The following TDP1 variants were observed in gnomAD, a reference collection of about 807,000 sequenced individuals.
The protein encoded by TDP1 is tyr-DNA phosphodiesterase 1.
TDP1 carries 64 observed loss-of-function variants against 81.5 expected under a neutral mutation model. The observed-to-expected ratio is 0.79, with a 90% CI of 0.64 to 0.97. The LOEUF is 0.97. TDP1 is among the 50% of genes least tolerant of loss of function. The probability of loss-of-function intolerance (pLI) is 0.00; values close to 1 mark genes in which losing one functional copy is unlikely to be tolerated. For synonymous variants in TDP1, 256 were observed against 264.3 expected (o/e 0.97, Z 0.30); for missense variants, 723 against 743.8 (o/e 0.97, Z 0.33).
chr14:90,035,843 C>T (rs537598290), intron 16 of TDP1, among the ~76,000 whole-genome samples: 3 of 152,062 alleles, frequency 2.0e-5, no homozygotes, highest in Admixed American at 1.3e-4. Flanking sequence ...TTCCCACCCC[C>T]AGCCCTGCAC....
In TDP1 at chr14:90,019,407, C is replaced by T. The variant is rs759660970; in HGVS notation, c.1633C>T (p.Pro545Ser). The T allele has an allele frequency of 1.3e-6, 2 of 1,594,844 alleles. No homozygotes were observed. The highest frequency in any genetic ancestry group is 8.6e-7 in the Non-Finnish European group (1 of 1,162,392). The change falls in exon 15 of 17, where the codon CCT (proline) becomes TCT (serine). Residue 545 changes from proline (P) to serine (S), a missense_variant. Coordinates refer to ENST00000335725, the MANE Select transcript of TDP1 (RefSeq NM_018319.4). ...CTACGAGCTCGGGGTCCTTTTCCTC[C>T]CTTCAGCATTTGTAAGTTTACACTT... ...RSYELGVLFL[P>S]SAFGLDSFKV...
At chr14:89,975,581 G>GTGTTTT (rs1289662801) in intron 6 of TDP1, 200 bp from the exon 7 acceptor site, 1 of 256,990 alleles carries the variant, frequency 3.9e-6, no homozygotes, top group African/African-American at 2.9e-5. Context: ...CAAAATTTGT[G>GTGTTTT]TTTTTTTTTT....
In TDP1 at chr14:89,974,467, T is replaced by C. The variant is rs34503280; in HGVS notation, c.757-1314T>C. On this transcript the variant is annotated intron_variant, in intron 6 of 16. Transcript: ENST00000335725. Reference sequence around the variant, plus strand: ...GTGGCCAGAATGCACAGATGCATGCTGGTCTGTGAGCATCTCCATTCCAAA... The same window carrying C: ...GTGGCCAGAATGCACAGATGCATGCCGGTCTGTGAGCATCTCCATTCCAAA... 3.7e-4 allele frequency among the ~76,000 whole-genome samples: 56 copies of C among 152,344 alleles called. No homozygotes were observed. The East Asian group carries it at 0.01, about 28-fold the overall frequency.
In TDP1 at chr14:89,963,557, CAG is replaced by C. The variant is rs1892588152; in HGVS notation, c.444_445del (p.Glu150GlyfsTer10). The C allele has an allele frequency of 6.2e-7, 1 of 1,611,876 alleles. No homozygotes were observed. Among genetic ancestry groups the C allele is most frequent in the Admixed American group, 1.7e-5 (1 of 59,776 alleles). ...GAGGAGGAAGACGAGTATGAGACAT[CAG>C]GGGAGGGCCAGGACATTTGGGACAT... On this transcript the variant is annotated frameshift_variant, in exon 3 of 17. Transcript: ENST00000335725. LOFTEE classifies it high-confidence loss of function.
intron 4 of TDP1, 149 bp from the exon 5 acceptor site, chr14:89,967,218 T>C: frequency 7.2e-7 from 1 of 1,386,954 alleles, no homozygotes; most frequent in South Asian, 1.2e-5. Flanking sequence ...TTTGTTAGTA[T>C]TGCAGCATAA....
intron 14 of TDP1, among the ~76,000 whole-genome samples, chr14:90,003,394 T>G (rs1342613686): frequency 1.3e-5 from 2 of 152,258 alleles, no homozygotes; most frequent in South Asian, 2.1e-4. Context: ...GATTGGTTAC[T>G]TTTATGGAGA....
intron 14 of TDP1, 38 bp from the exon 15 acceptor site, chr14:90,019,278 T>A (rs1284550255): frequency 7.0e-7 from 1 of 1,432,364 alleles, no homozygotes; most frequent in Non-Finnish European, 9.8e-7. Context: ...CTGAGATGCC[T>A]CCCTGAGTCA....
At chr14:90,028,021 C>T (rs1348996368) in intron 15 of TDP1, among the ~76,000 whole-genome samples, 1 of 152,218 alleles carries the variant, frequency 6.6e-6, no homozygotes, top group Non-Finnish European at 1.5e-5. Context: ...GCACTCTTTT[C>T]TTTCCTTCTG....
At chr14:90,032,673 C>G in intron 15 of TDP1, 1 of 886,578 alleles carries the variant, frequency 1.1e-6, no homozygotes, top group Non-Finnish European at 1.4e-6. Flanking sequence ...GGAACACTTT[C>G]ATTATACATG....
chr14:89,956,343 G>T (rs576099319), intron 1 of TDP1: 6 of 152,448 alleles, frequency 3.9e-5, no homozygotes, highest in African/African-American at 1.4e-4. Flanking sequence ...AGCTTTCTGT[G>T]CTCGGTTTCC....
At chr14:89,981,506 C>T (rs1469943144) in intron 8 of TDP1, 1 of 454,244 alleles carries the variant, frequency 2.2e-6, no homozygotes, top group East Asian at 7.0e-5. Context: ...AGCTGGTTAA[C>T]AAACAGCCTT....
intron 14 of TDP1, among the ~76,000 whole-genome samples, chr14:90,014,053 A>G (rs905659372): frequency 2.0e-5 from 3 of 152,214 alleles, no homozygotes; most frequent in African/African-American, 4.8e-5. Flanking sequence ...ATCATTAGTA[A>G]TCAGAGAAGT....
At chr14:89,962,797 A>G (rs999853552) in intron 2 of TDP1, 7 of 385,098 alleles carry the variant, frequency 1.8e-5, no homozygotes, top group Non-Finnish European at 2.5e-5. Flanking sequence ...GCTTGAGCCC[A>G]GGAGGCAGAT....
chr14:90,034,396 T>A (rs1285350531), intron 16 of TDP1, among the ~76,000 whole-genome samples: 1 of 152,200 alleles, frequency 6.6e-6, no homozygotes, highest in African/African-American at 2.4e-5. Context: ...GCATTGAGTC[T>A]TAAGGGCAGT....
chr14:90,041,119 G>T (rs1184152665), intron 16 of TDP1, among the ~76,000 whole-genome samples: 2 of 152,172 alleles, frequency 1.3e-5, no homozygotes, highest in Admixed American at 1.3e-4. Context: ...GGGTGTCATT[G>T]GCCTTGGGAA....
intron 7 of TDP1, among the ~76,000 whole-genome samples, chr14:89,979,228 A>T (rs1045981625): frequency 2.0e-5 from 3 of 152,224 alleles, no homozygotes; most frequent in Non-Finnish European, 4.4e-5. Context: ...GGAGATAAAA[A>T]TCATCCATTA....
rs1192326854 is a variant in TDP1 at position 89,984,526 on chromosome 14, A to G, written c.895A>G (p.Ser299Gly). ...WHQKTQGIWLSPLYPRIADGT... is the reference protein window; with the variant it reads ...WHQKTQGIWLGPLYPRIADGT... ...TTTTTTTAATTCCAGAATATGGTTG[A>G]GCCCCTTATACCCACGAATTGCTGA... Residue 299 changes from serine (S) to glycine (G), a missense_variant, in exon 9 of 17, where the codon AGC becomes GGC. By Grantham distance (56) the Ser-to-Gly change is moderately conservative. Coordinates refer to ENST00000335725, the MANE Select transcript of TDP1 (RefSeq NM_018319.4). 6.2e-7 allele frequency: 1 copy of G among 1,614,110 alleles called. No homozygotes were observed. The highest frequency in any genetic ancestry group is 8.5e-7 in the Non-Finnish European group (1 of 1,180,028).
intron 14 of TDP1, among the ~76,000 whole-genome samples, chr14:90,007,452 G>A (rs1223463081): frequency 6.6e-6 from 1 of 151,998 alleles, no homozygotes; most frequent in African/African-American, 2.4e-5. Flanking sequence ...AGCTGGGCAT[G>A]GTAGCTCACA....
chr14:89,961,759 G>T (rs2139926315), intron 2 of TDP1, among the ~76,000 whole-genome samples: 1 of 152,236 alleles, frequency 6.6e-6, no homozygotes. Flanking sequence ...CAAATCTTTT[G>T]ATGTAGAATA....
Sources: allele counts gnomAD v4.1 joint callset (sites outside exome capture counted in the v4.1 genomes callset), GRCh38; gene constraint gnomAD v4.1.1; transcripts MANE v1.5; gene names NCBI Gene and HGNC (gene_info 2026-07-23, HGNC 2026-07-21).